Variants in PALD1 observed in about 807,000 individuals in gnomAD.
PALD1 encodes phosphatase domain containing paladin 1, also known as paladin.
A neutral mutation model predicts 96.0 loss-of-function variants in PALD1; 57 were observed. The ratio of observed to expected loss-of-function variants is 0.59; its 90% CI spans 0.48 to 0.74. The LOEUF (loss-of-function observed/expected upper bound fraction) is 0.74. Ranked by LOEUF, PALD1 falls within the 30% of genes least tolerant of loss-of-function variation. The probability of loss-of-function intolerance (pLI) is 0.00; values close to 1 mark genes in which losing one functional copy is unlikely to be tolerated. For missense variants in PALD1, 1,063 were observed against 1,143.7 expected, an observed-to-expected ratio of 0.93 and a Z score of 1.02; for synonymous variants, 464 against 473.6, an observed-to-expected ratio of 0.98 and a Z score of 0.26.
the PALD1 span, among the ~76,000 whole-genome samples, chr10:70,466,391 C>G: frequency 1.3e-5 from 2 of 151,936 alleles, no homozygotes; most frequent in Non-Finnish European, 2.9e-5. Flanking sequence ...ATTATAGGTG[C>G]CCGCCACCAT....
At chr10:70,504,517 C>T (rs1846351049) in intron 1 of PALD1, among the ~76,000 whole-genome samples, 1 of 152,176 alleles carries the variant, frequency 6.6e-6, no homozygotes, top group East Asian at 1.9e-4. Flanking sequence ...ATTAAGACTT[C>T]GTCTCAGAAA....
chr10:70,547,224 T>C lies in PALD1; in HGVS notation c.2122-82T>C, dbSNP rs576972754. 4.5e-6 allele frequency: 6 copies of C among 1,343,914 alleles called. No individual in the cohort carries two copies. The African/African-American group carries it at 8.5e-5, about 19-fold the overall frequency. The allele number at this position is 1,343,914 out of a possible 1,614,324, so 83.2% of individuals were successfully genotyped here. The stretch of plus-strand genomic sequence containing the variant: ...CTGGGCCTTAGGCCTGGTGTGGCCT[T>C]TTGGTGAGGGTGCAAGCCTGGTGCT... On this transcript the variant is annotated intron_variant, in intron 17 of 19. Transcript: ENST00000263563.
chr10:70,462,809 T>C, the PALD1 span, among the ~76,000 whole-genome samples: 7 of 152,154 alleles, frequency 4.6e-5, no homozygotes, highest in Non-Finnish European at 8.8e-5. Flanking sequence ...CTGAGCTCTC[T>C]GGTTTTTTAG....
At chr10:70,558,147 T>C (rs1847652887) in intron 18 of PALD1, among the ~76,000 whole-genome samples, 2 of 151,932 alleles carry the variant, frequency 1.3e-5, no homozygotes, top group African/African-American at 4.8e-5. Flanking sequence ...GATCTTGCTC[T>C]GTTGCCTGGG....
chr10:70,471,425 C>T, the PALD1 span, among the ~76,000 whole-genome samples: 1 of 152,234 alleles, frequency 6.6e-6, no homozygotes, highest in East Asian at 1.9e-4. Context: ...GAGGCTGCCT[C>T]CAGCACCCCA....
At chr10:70,561,506 C>T (rs187151781) in intron 18 of PALD1, among the ~76,000 whole-genome samples, 15 of 152,216 alleles carry the variant, frequency 9.9e-5, no homozygotes, top group Admixed American at 2.6e-4. Context: ...GGTGGGGTTG[C>T]GTTGTATTGG....
intron 1 of PALD1, among the ~76,000 whole-genome samples, chr10:70,494,238 C>T (rs189464147): frequency 6.6e-6 from 1 of 152,346 alleles, no homozygotes; most frequent in African/African-American, 2.4e-5. Flanking sequence ...TAAAATTTCA[C>T]CTCTTCCCTG....
At chr10:70,564,613 G>A in intron 19 of PALD1, 94 bp downstream of exon 19, 1 of 1,237,850 alleles carries the variant, frequency 8.1e-7, no homozygotes, top group Non-Finnish European at 1.1e-6. Flanking sequence ...TGGCCTGCGG[G>A]GACCCCGTGA....
At chr10:70,492,937 T>C (rs1846123957) in intron 1 of PALD1, among the ~76,000 whole-genome samples, 1 of 152,222 alleles carries the variant, frequency 6.6e-6, no homozygotes, top group African/African-American at 2.4e-5. Context: ...TTCTCAGTTT[T>C]GGCAACCCAG....
intron 1 of PALD1, among the ~76,000 whole-genome samples, chr10:70,508,080 T>C (rs148249715): frequency 2.6e-5 from 4 of 152,190 alleles, no homozygotes; most frequent in South Asian, 4.2e-4. Context: ...GAATGAGTGA[T>C]TGGGGGGCTG....
rs989879855 is a variant in PALD1 at position 70,539,313 on chromosome 10, T to C, written c.1725+66T>C. On this transcript the variant is annotated intron_variant, in intron 14 of 19. Transcript: ENST00000263563. The surrounding 1 kb of genome is among the most constrained non-coding windows in gnomAD (Gnocchi z 4.5). ...TTCTGGGGAGTGGCCTGGGAGGGTC[T>C]TCAGAAGGCCTCACACTCCCGCAGA... is the stretch of plus-strand genomic sequence containing the variant. 9 of 1,469,340 alleles carry C rather than the reference T, an allele frequency of 6.1e-6. No homozygotes were observed. In the African/African-American group the frequency reaches 9.8e-5, roughly 16 times the overall value. 91.0% of individuals were successfully genotyped at this position (1,469,340 alleles called of 1,614,324 possible).
intron 1 of PALD1, among the ~76,000 whole-genome samples, chr10:70,511,190 T>C (rs887749722): frequency 1.3e-5 from 2 of 152,224 alleles, no homozygotes; most frequent in Non-Finnish European, 2.9e-5. Context: ...CAGGATTAGA[T>C]TTGGCTGCAA....
Position 70,568,215 on chromosome 10 carries a change from G to T in PALD1, c.*1482G>T, listed in dbSNP as rs937916724. ...TCTTTGCAGACAAGGTCTAGATGCG[G>T]AGTCAGAGATGGGACTGAATGGGGA... On this transcript the variant is annotated 3_prime_UTR_variant, in exon 20 of 20. Transcript: ENST00000263563. The T allele has an allele frequency of 3.3e-5, 5 of 152,752 alleles. No individual in the cohort carries two copies. The highest frequency in any genetic ancestry group is 9.7e-5 in the African/African-American group (4 of 41,418). The allele number at this position is 152,752 out of a possible 1,614,324, so 9.5% of individuals were successfully genotyped here. A position where few individuals can be genotyped will look rare whatever the true frequency, so the allele number is the denominator to read the frequency against.
chr10:70,489,025 G>A (rs61122389), intron 1 of PALD1, among the ~76,000 whole-genome samples: 71 of 152,234 alleles, frequency 4.7e-4, no homozygotes, highest in East Asian at 1.7e-3. Context: ...GCTTCTTCCC[G>A]TCTCTCTGAA....
chr10:70,566,287 G>T (rs148851871), intron 19 of PALD1, among the ~76,000 whole-genome samples: 1 of 152,192 alleles, frequency 6.6e-6, no homozygotes, highest in African/African-American at 2.4e-5. Context: ...TGGGAGCATC[G>T]AGCTGCACAG....
intron 18 of PALD1, among the ~76,000 whole-genome samples, chr10:70,555,570 G>A (rs1847589804): frequency 6.6e-6 from 1 of 152,202 alleles, no homozygotes. Flanking sequence ...GTGCAGAGTT[G>A]GTCCTGCGAC....
At chr10:70,541,305 C>G in intron 16 of PALD1, 63 bp downstream of exon 16, 2 of 1,557,014 alleles carry the variant, frequency 1.3e-6, no homozygotes, top group Non-Finnish European at 1.8e-6. Context: ...ACTCAGGTCC[C>G]AGGCACACTG....
the PALD1 span, among the ~76,000 whole-genome samples, chr10:70,470,853 G>A: frequency 3.9e-5 from 6 of 152,018 alleles, no homozygotes; most frequent in African/African-American, 1.4e-4. Context: ...CCAGGCTGGA[G>A]TGCAATGACA....
At chr10:70,517,708 C>T (rs920793543) in intron 1 of PALD1, among the ~76,000 whole-genome samples, 4 of 152,082 alleles carry the variant, frequency 2.6e-5, no homozygotes, top group Non-Finnish European at 4.4e-5. Flanking sequence ...TCAGTATCCC[C>T]AGCAGTTCCA....
Sources: allele counts gnomAD v4.1 joint callset (sites outside exome capture counted in the v4.1 genomes callset), GRCh38; gene constraint gnomAD v4.1.1; non-coding constraint Gnocchi (gnomAD v3.1); transcripts MANE v1.5; gene names NCBI Gene and HGNC (gene_info 2026-07-23, HGNC 2026-07-21).